IFT88: variants seen among roughly 807,000 people sequenced by gnomAD.
IFT88 encodes intraflagellar transport protein 88 homolog.
IFT88 carries 74 observed loss-of-function variants against 119.5 expected under a neutral mutation model. The ratio of observed to expected loss-of-function variants is 0.62; its 90% CI spans 0.51 to 0.75. The LOEUF is 0.75. Ranked by LOEUF, IFT88 falls within the 30% of genes least tolerant of loss-of-function variation. The pLI is 0.00. For synonymous variants in IFT88, 279 were observed against 316.7 expected, an observed-to-expected ratio of 0.88 and a Z score of 1.26; for missense variants, 961 against 977.7, an observed-to-expected ratio of 0.98 and a Z score of 0.23.
chr13:20,678,660 A>AGT (rs1254740679), intron 24 of IFT88, among the ~76,000 whole-genome samples: 1 of 152,192 alleles, frequency 6.6e-6, no homozygotes, highest in Non-Finnish European at 1.5e-5. Flanking sequence ...AACTTCTAGC[A>AGT]GTGTGTGTGA....
chr13:20,655,690 C>T (rs1594692599), intron 21 of IFT88, among the ~76,000 whole-genome samples: 1 of 151,852 alleles, frequency 6.6e-6, no homozygotes, highest in African/African-American at 2.4e-5. Context: ...GAAGGGGTTT[C>T]ACCATGTTGC....
At chr13:20,625,973 A>G in intron 15 of IFT88, 124 bp downstream of exon 15, 2 of 300,316 alleles carry the variant, frequency 6.7e-6, no homozygotes, top group Non-Finnish European at 1.1e-5. Context: ...TAATATTTTT[A>G]TTTCTATTTT....
chr13:20,609,504 C>G (rs1410831767), intron 13 of IFT88, among the ~76,000 whole-genome samples: 3 of 152,076 alleles, frequency 2.0e-5, no homozygotes, highest in Non-Finnish European at 4.4e-5. Flanking sequence ...ACCCTGTAAT[C>G]CCAGCCCTTC....
intron 22 of IFT88, among the ~76,000 whole-genome samples, chr13:20,659,636 A>G (rs1372630197): frequency 7.9e-6 from 1 of 127,120 alleles, no homozygotes; most frequent in Non-Finnish European, 1.6e-5. Flanking sequence ...AACTTTTACA[A>G]TACTTTATGG....
intron 1 of IFT88, among the ~76,000 whole-genome samples, chr13:20,569,293 G>T (rs937485084): frequency 1.3e-5 from 2 of 152,054 alleles, no homozygotes; most frequent in Non-Finnish European, 2.9e-5. Flanking sequence ...AAAACTTTTG[G>T]CCAGGCGTGG....
chr13:20,651,065 C>A (rs540669037), intron 20 of IFT88, among the ~76,000 whole-genome samples: 1 of 151,884 alleles, frequency 6.6e-6, no homozygotes, highest in Non-Finnish European at 1.5e-5. Flanking sequence ...CACACTGTTT[C>A]GATTATTGTA....
At chr13:20,598,903 T>C (rs1021117500) in intron 10 of IFT88, 150 bp downstream of exon 10, 3 of 515,428 alleles carry the variant, frequency 5.8e-6, no homozygotes, top group Non-Finnish European at 6.9e-6. Flanking sequence ...AAACATACTA[T>C]TTATATAAAA....
chr13:20,633,276 A>G (rs1407640406), intron 16 of IFT88, among the ~76,000 whole-genome samples: 2 of 152,192 alleles, frequency 1.3e-5, no homozygotes, highest in South Asian at 2.1e-4. Flanking sequence ...ACTTATAATC[A>G]TAGCAGAAGG....
intron 14 of IFT88, among the ~76,000 whole-genome samples, chr13:20,621,704 A>G (rs1164141666): frequency 6.6e-6 from 1 of 152,108 alleles, no homozygotes; most frequent in Non-Finnish European, 1.5e-5. Flanking sequence ...CCATCCCAGT[A>G]TGGTACATTT....
intron 3 of IFT88, among the ~76,000 whole-genome samples, chr13:20,586,448 T>G (rs1473211081): frequency 6.6e-6 from 1 of 152,180 alleles, no homozygotes; most frequent in African/African-American, 2.4e-5. Flanking sequence ...GAGAGGTTAT[T>G]TACCACTAGT....
intron 1 of IFT88, among the ~76,000 whole-genome samples, chr13:20,571,173 T>G (rs1049929940): frequency 2.0e-5 from 3 of 152,060 alleles, no homozygotes; most frequent in African/African-American, 7.2e-5. Flanking sequence ...TTTTTGTATT[T>G]TTAGTAGAGA....
In IFT88 at chr13:20,651,287, C is replaced by A. The variant is rs148588437; in HGVS notation, c.1950-2589C>A. Among the ~76,000 whole-genome samples the A allele has an allele frequency of 3.6e-4, 54 of 151,638 alleles. No individual in the cohort carries two copies. In the East Asian group the frequency reaches 8.9e-3, roughly 25 times the overall value. On this transcript the variant is annotated intron_variant, in intron 20 of 25. Coordinates refer to ENST00000351808, the MANE Select transcript of IFT88 (RefSeq NM_006531.5). ...TATTGTTTTCTTAAAAATATTAAGT[C>A]TTCCAATTCAAGCACACACATGCCT...
At chr13:20,616,275 G>A (rs957655703) in intron 14 of IFT88, among the ~76,000 whole-genome samples, 3 of 152,124 alleles carry the variant, frequency 2.0e-5, no homozygotes, top group African/African-American at 7.2e-5. Context: ...GTATAAAAGT[G>A]TACAGTAATA....
At chr13:20,672,322 C>T (rs1050595038) in intron 24 of IFT88, among the ~76,000 whole-genome samples, 1 of 152,134 alleles carries the variant, frequency 6.6e-6, no homozygotes, top group Non-Finnish European at 1.5e-5. Flanking sequence ...TGGTGCTGGC[C>T]TGTTTATCTT....
At chr13:20,602,266 G>A (rs907695942) in intron 12 of IFT88, among the ~76,000 whole-genome samples, 1 of 146,552 alleles carries the variant, frequency 6.8e-6, no homozygotes, top group Admixed American at 6.9e-5. Flanking sequence ...GTGCAGTGGT[G>A]CAGTCTCAGC....
intron 17 of IFT88, 102 bp downstream of exon 17, chr13:20,638,620 G>A: frequency 1.5e-6 from 1 of 647,688 alleles, no homozygotes; most frequent in South Asian, 6.2e-5. Context: ...AGGAGGAGGA[G>A]TTGACTTCCT....
chr13:20,585,796 T>G (rs1481179814), intron 3 of IFT88, among the ~76,000 whole-genome samples: 1 of 152,256 alleles, frequency 6.6e-6, no homozygotes. Flanking sequence ...CACTACACAT[T>G]CTAAAACCCA....
Position 20,568,091 on chromosome 13 carries a change from C to G in IFT88, c.-7+835C>G, listed in dbSNP as rs191691526. The G allele has an allele frequency of 3.0e-4, 210 of 695,370 alleles. 1 individual carries two copies. Among genetic ancestry groups the G allele is most frequent in the African/African-American group, 2.8e-3 (159 of 57,088 alleles). The allele number at this position is 695,370 out of a possible 1,614,324, so 43.1% of individuals were successfully genotyped here. A position where few individuals can be genotyped will look rare whatever the true frequency, so the allele number is the denominator to read the frequency against. On this transcript the variant is annotated intron_variant, in intron 1 of 25. Transcript: ENST00000351808. ...TGTGTTGGGCCACATTCAAAGCCGT[C>G]CTGTGCCACGTGCGGGCCGGGGTTG...
chr13:20,578,390 T>C (rs1416641302), intron 2 of IFT88, among the ~76,000 whole-genome samples: 1 of 149,088 alleles, frequency 6.7e-6, no homozygotes, highest in Non-Finnish European at 1.5e-5. Context: ...TTCAGTCTTG[T>C]TACTTCTTAT....
Sources: gnomAD v4.1 joint callset for allele counts (sites outside exome capture counted in the v4.1 genomes callset) on GRCh38, gnomAD v4.1.1 for gene constraint, MANE v1.5 for transcripts, NCBI Gene and HGNC (gene_info 2026-07-23, HGNC 2026-07-21) for gene names.